A2ML1: variants seen among roughly 807,000 people sequenced by gnomAD.
A2ML1 encodes alpha-2-macroglobulin like 1, also known as alpha-2-macroglobulin-like protein 1.
In A2ML1, 161 loss-of-function variants were observed where a neutral mutation model predicts 181.9. The observed-to-expected ratio is 0.89, with a 90% confidence interval of 0.78 to 1.01. The LOEUF is 1.01. Ranked by LOEUF, A2ML1 falls within the 50% of genes least tolerant of loss-of-function variation. The pLI, the probability that A2ML1 is intolerant of heterozygous loss-of-function variation, is 0.00. For missense variants in A2ML1, 1,670 were observed against 1,768.1 expected, an observed-to-expected ratio of 0.94 and a Z score of 1.00; for synonymous variants, 663 against 666.8, an observed-to-expected ratio of 0.99 and a Z score of 0.09.
chr12:8,857,824 TG>T, intron 25 of A2ML1, 121 bp from the exon 26 acceptor site: 1 of 1,385,950 alleles, frequency 7.2e-7, no homozygotes, highest in Non-Finnish European at 1.0e-6. Context: ...TTTCTAGGCC[TG>T]CTATGGCATA....
chr12:8,825,867 T>C (rs759097238), intron 3 of A2ML1, among the ~76,000 whole-genome samples: 2 of 152,346 alleles, frequency 1.3e-5, no homozygotes, highest in South Asian at 2.1e-4. Flanking sequence ...CTTTCTCCAG[T>C]GTATACACTT....
In A2ML1 at chr12:8,876,626, T is replaced by C. The variant is rs554618737; in HGVS notation, c.*570T>C. 581 of 152,284 alleles carry C rather than the reference T, an allele frequency of 3.8e-3. 1 individual carries two copies. Among genetic ancestry groups the C allele is most frequent in the Non-Finnish European group, 6.6e-3 (449 of 68,064 alleles). The allele number at this position is 152,284 out of a possible 1,614,324, so 9.4% of individuals were successfully genotyped here. On this transcript the variant is annotated 3_prime_UTR_variant, in exon 36 of 36. Coordinates refer to ENST00000299698, the MANE Select transcript of A2ML1 (RefSeq NM_144670.6). ...AGGTGGAGGTTGCAGTGAGCTGAGA[T>C]TGTGCCACTGCACTCCAGCCTGGGC... is the stretch of plus-strand genomic sequence containing the variant.
chr12:8,834,060 A>G (rs1213749143), intron 4 of A2ML1, among the ~76,000 whole-genome samples: 2 of 152,006 alleles, frequency 1.3e-5, no homozygotes, highest in South Asian at 2.1e-4. Flanking sequence ...CTATTCACTG[A>G]ATTCCAGCTT....
chr12:8,870,380 G>C (rs1592159358), intron 33 of A2ML1, among the ~76,000 whole-genome samples: 1 of 139,978 alleles, frequency 7.1e-6, no homozygotes, highest in Non-Finnish European at 1.5e-5. Context: ...CCATTCTCCT[G>C]CCTCAGCCTC....
At chr12:8,826,228 A>G (rs116951956) in intron 3 of A2ML1, among the ~76,000 whole-genome samples, 7 of 152,182 alleles carry the variant, frequency 4.6e-5, no homozygotes, top group South Asian at 2.1e-4. Context: ...AACAATATCA[A>G]TTCTTCCAAT....
intron 32 of A2ML1, 43 bp from the exon 33 acceptor site, chr12:8,869,092 G>A (rs761494243): frequency 6.3e-7 from 1 of 1,596,426 alleles, no homozygotes; most frequent in Non-Finnish European, 8.6e-7. Flanking sequence ...CCCAGGGAAG[G>A]CTCTGGCTCT....
At chr12:8,869,329 G>A (rs1017707464) in intron 33 of A2ML1, 126 bp downstream of exon 33, 2 of 915,828 alleles carry the variant, frequency 2.2e-6, no homozygotes, top group Non-Finnish European at 1.7e-6. Flanking sequence ...TCCACACCAT[G>A]CCATGAGTTC....
intron 4 of A2ML1, among the ~76,000 whole-genome samples, chr12:8,833,831 T>C (rs1943192014): frequency 6.6e-6 from 1 of 152,202 alleles, no homozygotes; most frequent in Non-Finnish European, 1.5e-5. Flanking sequence ...TAGATCTCCT[T>C]ATTTTTTGCT....
In A2ML1 at chr12:8,847,650, TGA is replaced by T. The variant is rs779516620; in HGVS notation, c.1789_1790del (p.Ser597CysfsTer5). 4.3e-6 allele frequency: 7 copies of T among 1,613,370 alleles called. No individual in the cohort carries two copies. In the East Asian group the frequency reaches 1.6e-4, roughly 36 times the overall value. ...CCCTGTGTGCGCTCCGGGCGGTGGATGAGAGTGTCTTACTGCTTAGGCCAGAC... is the reference window on the plus strand; with the variant it reads ...CCCTGTGTGCGCTCCGGGCGGTGGATGAGTGTCTTACTGCTTAGGCCAGAC... ...GSLCALRAVDESVLLLRPDRE... is the reference protein window; with the variant it reads ...GSLCALRAVDXSVLLLRPDRE... On this transcript the variant is annotated frameshift_variant, in exon 15 of 36. Coordinates refer to ENST00000299698, the MANE Select transcript of A2ML1 (RefSeq NM_144670.6). LOFTEE classifies it high-confidence loss of function.
At chr12:8,843,100 A>G (rs1943545255) in intron 11 of A2ML1, 34 bp from the exon 12 acceptor site, 3 of 1,593,538 alleles carry the variant, frequency 1.9e-6, no homozygotes, top group Non-Finnish European at 2.6e-6. Flanking sequence ...GTTGGAGCAC[A>G]TGCTAAAATT....
chr12:8,849,542 A>T (rs1403717796), intron 16 of A2ML1, 127 bp from the exon 17 acceptor site: 2 of 761,708 alleles, frequency 2.6e-6, no homozygotes, highest in Non-Finnish European at 4.3e-6. Flanking sequence ...AGGTAAGAAC[A>T]CCCAGGTTCA....
At chr12:8,857,671 C>A in intron 25 of A2ML1, 83 bp downstream of exon 25, 1 of 1,439,048 alleles carries the variant, frequency 6.9e-7, no homozygotes, top group Non-Finnish European at 9.6e-7. Context: ...TACCTCTCCC[C>A]TTAACCCCTT....
rs773034576 is a variant in A2ML1 at position 8,854,832 on chromosome 12, G to T, written c.2764+1G>T. ...CACAGCTCATTGCTGTGCCCAAAAG[G>T]TGGGTGGACTCAGAGCAGGATTGGT... On this transcript the variant is annotated splice_donor_variant, in intron 22 of 35. Coordinates refer to ENST00000299698, the MANE Select transcript of A2ML1 (RefSeq NM_144670.6). LOFTEE classifies it high-confidence loss of function. 1 of 1,613,980 alleles carries T rather than the reference G, an allele frequency of 6.2e-7. No individual in the cohort carries two copies. The highest frequency in any genetic ancestry group is 8.5e-7 in the Non-Finnish European group (1 of 1,180,024).
At chr12:8,854,526 C>T (rs1440161361) in intron 21 of A2ML1, among the ~76,000 whole-genome samples, 1 of 152,146 alleles carries the variant, frequency 6.6e-6, no homozygotes. Context: ...ATCATGAAGC[C>T]CATTGTCAAT....
chr12:8,843,115 C>G lies in A2ML1; in HGVS notation c.1249-19C>G. The G allele has an allele frequency of 6.2e-7, 1 of 1,608,246 alleles. No individual in the cohort carries two copies. The highest frequency in any genetic ancestry group is 8.5e-7 in the Non-Finnish European group (1 of 1,174,920). On this transcript the variant is annotated intron_variant, in intron 11 of 35. Coordinates refer to ENST00000299698, the MANE Select transcript of A2ML1 (RefSeq NM_144670.6). The stretch of plus-strand genomic sequence containing the variant: ...GTTGGAGCACATGCTAAAATTCTCT[C>G]TCTCTCTTTTATTCTCAGGGAAAGT...
rs755052089 is a variant in A2ML1, at chr12:8,868,580, G to A, written c.4105G>A (p.Val1369Met). The A allele has an allele frequency of 1.2e-6, 2 of 1,613,998 alleles. No homozygotes were observed. Among genetic ancestry groups the A allele is most frequent in the Non-Finnish European group, 1.7e-6 (2 of 1,180,028 alleles). Residue 1369 changes from valine (V) to methionine (M), a missense_variant, in exon 32 of 36, where the codon GTG becomes ATG. Coordinates refer to ENST00000299698, the MANE Select transcript of A2ML1 (RefSeq NM_144670.6). ...RSSSNMAIVE[V>M]KMLSGFSPME... is the part of the protein sequence containing the mutation. ...CTCTTCCAATATGGCTATTGTGGAA[G>A]TGAAGATGCTATCTGGGTTCAGTCC...
chr12:8,851,583 T>G (rs1177437962), intron 18 of A2ML1, among the ~76,000 whole-genome samples: 1 of 152,096 alleles, frequency 6.6e-6, no homozygotes, highest in Non-Finnish European at 1.5e-5. Context: ...TTTTTAAATT[T>G]TTGGTAGAAA....
chr12:8,836,429 G>A, intron 7 of A2ML1, 90 bp downstream of exon 7: 1 of 1,110,692 alleles, frequency 9.0e-7, no homozygotes, highest in Non-Finnish European at 1.3e-6. Flanking sequence ...ATTATGGGTG[G>A]GCCAAAACTT....
At chr12:8,842,718 A>G (rs927853734) in intron 11 of A2ML1, among the ~76,000 whole-genome samples, 7 of 152,036 alleles carry the variant, frequency 4.6e-5, no homozygotes, top group Admixed American at 4.6e-4. Flanking sequence ...TAATTTGACT[A>G]TTTCTTTACT....
Sources: allele counts gnomAD v4.1 joint callset (sites outside exome capture counted in the v4.1 genomes callset), GRCh38; gene constraint gnomAD v4.1.1; transcripts MANE v1.5; gene names NCBI Gene and HGNC (gene_info 2026-07-23, HGNC 2026-07-21).